The following SRRM4 variants were observed in gnomAD, a reference collection of about 807,000 sequenced individuals.
The protein encoded by SRRM4 is serine/arginine repetitive matrix 4.
A neutral mutation model predicts 68.9 loss-of-function variants in SRRM4; 33 were observed. That is an observed-to-expected ratio of 0.48 (90% confidence interval 0.36 to 0.64). The LOEUF is 0.64. Among genes scored for constraint, SRRM4 ranks in the 30% least tolerant of loss-of-function variants. SRRM4 has a pLI of 0.00. For synonymous variants in SRRM4, 318 were observed against 318.8 expected, an observed-to-expected ratio of 1.00 and a Z score of 0.03; for missense variants, 817 against 827.1, an observed-to-expected ratio of 0.99 and a Z score of 0.15.
intron 1 of SRRM4, among the ~76,000 whole-genome samples, chr12:119,048,814 C>T (rs1240076377): frequency 6.6e-6 from 1 of 152,120 alleles, no homozygotes; most frequent in Non-Finnish European, 1.5e-5. Flanking sequence ...AGTCCGAGTA[C>T]TCAGGAGGCT....
chr12:119,113,475 C>T (rs1954157183), intron 2 of SRRM4, among the ~76,000 whole-genome samples: 1 of 152,110 alleles, frequency 6.6e-6, no homozygotes, highest in Non-Finnish European at 1.5e-5. Context: ...GTTTGTATCC[C>T]AATATATAAA....
At chr12:118,985,517 C>T (rs12310661) in intron 1 of SRRM4, among the ~76,000 whole-genome samples, 35,616 of 152,014 alleles carry the variant, frequency 0.23, 4,371 homozygotes, top group African/African-American at 0.27. Context: ...TTAGTAATTA[C>T]CTAGGATGGA....
At position 119,072,321 on chromosome 12, in the gene SRRM4, G is replaced by A. The variant is rs547874897; in HGVS notation, c.132-29915G>A. 1.4e-4 allele frequency among the ~76,000 whole-genome samples: 21 copies of A among 152,224 alleles called. 1 individual carries two copies. The East Asian group carries it at 3.7e-3, about 27-fold the overall frequency. ...GGTGTGGCAGCTGTCATAGAACCTC[G>A]GAGGTAGCTGACCTAAAAATAGCCC... On this transcript the variant is annotated intron_variant, in intron 1 of 12. Coordinates refer to ENST00000267260, the MANE Select transcript of SRRM4 (RefSeq NM_194286.4).
chr12:119,049,197 A>T (rs1330108580), intron 1 of SRRM4, among the ~76,000 whole-genome samples: 2 of 152,214 alleles, frequency 1.3e-5, no homozygotes, highest in Non-Finnish European at 2.9e-5. Flanking sequence ...CAGGTGTCCC[A>T]GGTTGTTTTT....
chr12:119,012,279 T>A (rs557390477), intron 1 of SRRM4, among the ~76,000 whole-genome samples: 2 of 152,174 alleles, frequency 1.3e-5, no homozygotes, highest in African/African-American at 4.8e-5. Context: ...GAATGAGTCC[T>A]CCCCATGGGG....
chr12:119,083,974 C>A (rs569950996), intron 1 of SRRM4, among the ~76,000 whole-genome samples: 81 of 152,336 alleles, frequency 5.3e-4, no homozygotes, highest in African/African-American at 1.9e-3. Flanking sequence ...TCCTGCAAAG[C>A]ATCACTGAGC....
chr12:119,058,777 C>T (rs1182338164), intron 1 of SRRM4, among the ~76,000 whole-genome samples: 3 of 152,144 alleles, frequency 2.0e-5, no homozygotes, highest in African/African-American at 7.2e-5. Flanking sequence ...CCCTACCTCT[C>T]TTCCTCTTTC....
At chr12:119,000,962 A>T (rs1953380005) in intron 1 of SRRM4, 1 of 152,188 alleles carries the variant, frequency 6.6e-6, no homozygotes, top group African/African-American at 2.4e-5. Context: ...TGCACACACC[A>T]TTTGGGCTCA....
At chr12:119,106,301 T>C (rs183360443) in intron 2 of SRRM4, among the ~76,000 whole-genome samples, 1 of 152,230 alleles carries the variant, frequency 6.6e-6, no homozygotes, top group Non-Finnish European at 1.5e-5. Flanking sequence ...GGCTCTTTTT[T>C]GGTTCCATAT....
In SRRM4 at chr12:119,044,285, G is replaced by A. The variant is rs1009335377; in HGVS notation, c.132-57951G>A. Among the ~76,000 whole-genome samples the A allele has an allele frequency of 3.3e-5, 5 of 152,218 alleles. No individual in the cohort carries two copies. The East Asian group carries it at 5.8e-4, about 18-fold the overall frequency. On this transcript the variant is annotated intron_variant, in intron 1 of 12. Coordinates refer to ENST00000267260, the MANE Select transcript of SRRM4 (RefSeq NM_194286.4). ...CTAGTCCCTCCCCAAGCCTTCTGGTGACAGCGGCGGCCCCTAGGTGCAGCT... is the reference window on the plus strand; with the variant it reads ...CTAGTCCCTCCCCAAGCCTTCTGGTAACAGCGGCGGCCCCTAGGTGCAGCT...
intron 2 of SRRM4, among the ~76,000 whole-genome samples, chr12:119,107,999 A>G (rs1007423591): frequency 6.6e-6 from 1 of 152,170 alleles, no homozygotes; most frequent in African/African-American, 2.4e-5. Flanking sequence ...TGTCCCAGAG[A>G]TTCCAGTATG....
rs1047884318 is a variant in SRRM4 at position 119,120,108 on chromosome 12, C to A, written c.438-142C>A. On this transcript the variant is annotated intron_variant, in intron 4 of 12. Coordinates refer to ENST00000267260, the MANE Select transcript of SRRM4 (RefSeq NM_194286.4). Reference sequence around the variant, plus strand: ...CTATATTTACGTTTTCCCCTCCCTCCCTTCCTTCACCATCCCTCCCTTTCT... The same window carrying A: ...CTATATTTACGTTTTCCCCTCCCTCACTTCCTTCACCATCCCTCCCTTTCT... 7 of 624,900 alleles carry A rather than the reference C, an allele frequency of 1.1e-5. No homozygotes were observed. In the Admixed American group the frequency reaches 1.1e-4, roughly 10 times the overall value. The allele number at this position is 624,900 out of a possible 1,614,324, so 38.7% of individuals were successfully genotyped here. A position where few individuals can be genotyped will look rare whatever the true frequency, so the allele number is the denominator to read the frequency against.
At chr12:119,071,244 A>G (rs1953876130) in intron 1 of SRRM4, among the ~76,000 whole-genome samples, 1 of 152,246 alleles carries the variant, frequency 6.6e-6, no homozygotes, top group South Asian at 2.1e-4. Context: ...AATGAATCTT[A>G]GTATGAGAAC....
chr12:119,148,385 G>A (rs540218915), intron 9 of SRRM4, among the ~76,000 whole-genome samples: 1 of 152,312 alleles, frequency 6.6e-6, no homozygotes, highest in South Asian at 2.1e-4. Flanking sequence ...GTGTCTCCAA[G>A]AACAGGCAGT....
intron 1 of SRRM4, among the ~76,000 whole-genome samples, chr12:118,986,210 G>T (rs182573636): frequency 2.0e-5 from 3 of 152,330 alleles, no homozygotes; most frequent in Admixed American, 2.0e-4. Context: ...CCAGGTGAGG[G>T]GCTGTTGAGA....
In SRRM4 at chr12:119,064,037, T is replaced by C. The variant is rs138301824; in HGVS notation, c.132-38199T>C. Among the ~76,000 whole-genome samples, 1,344 of 152,316 alleles carry C rather than the reference T, an allele frequency of 8.8e-3. 21 individuals carry two copies. The highest frequency in any genetic ancestry group is 0.031 in the African/African-American group (1,274 of 41,562). ...AAGCAAAAAATACCCCCACATCTGG[T>C]TGATCTTATTATCTTCTGAAAATAA... On this transcript the variant is annotated intron_variant, in intron 1 of 12. Transcript: ENST00000267260.
intron 1 of SRRM4, among the ~76,000 whole-genome samples, chr12:119,040,496 G>T (rs1473436106): frequency 6.6e-6 from 1 of 152,148 alleles, no homozygotes; most frequent in Non-Finnish European, 1.5e-5. Flanking sequence ...ATAGTCTCCA[G>T]TCTCATCCAG....
At chr12:118,992,589 G>A (rs1953324051) in intron 1 of SRRM4, among the ~76,000 whole-genome samples, 1 of 152,228 alleles carries the variant, frequency 6.6e-6, no homozygotes, top group Admixed American at 6.5e-5. Context: ...AGGTATCTGA[G>A]CAGTGGTGCA....
rs530574001 is a variant in SRRM4 at position 118,981,661 on chromosome 12, G to C, written c.-222G>C. 3.7e-6 allele frequency: 2 copies of C among 544,642 alleles called. No individual in the cohort carries two copies. The highest frequency in any genetic ancestry group is 3.8e-5 in the African/African-American group (2 of 52,246). The allele number at this position is 544,642 out of a possible 1,614,324, so 33.7% of individuals were successfully genotyped here. A position where few individuals can be genotyped will look rare whatever the true frequency, so the allele number is the denominator to read the frequency against. ...CCAGCTCAGAGCGCAGCCTGGAGCCGACCCAGAAGGGCGAAGAAAGCCCAG... is the reference window on the plus strand; with the variant it reads ...CCAGCTCAGAGCGCAGCCTGGAGCCCACCCAGAAGGGCGAAGAAAGCCCAG... On this transcript the variant is annotated 5_prime_UTR_variant, in exon 1 of 13. Coordinates refer to ENST00000267260, the MANE Select transcript of SRRM4 (RefSeq NM_194286.4).
Sources: allele counts gnomAD v4.1 joint callset (sites outside exome capture counted in the v4.1 genomes callset), GRCh38; gene constraint gnomAD v4.1.1; transcripts MANE v1.5; gene names NCBI Gene and HGNC (gene_info 2026-07-23, HGNC 2026-07-21).